The following DNAJC13 variants were observed in gnomAD, a reference collection of about 807,000 sequenced individuals.
DNAJC13 encodes the protein dnaJ homolog subfamily C member 13.
In DNAJC13, 75 loss-of-function variants were observed where a neutral mutation model predicts 290.5. The ratio of observed to expected loss-of-function variants is 0.26; its 90% CI spans 0.21 to 0.31. The LOEUF (loss-of-function observed/expected upper bound fraction) is 0.31, where lower values mean the gene tolerates loss of function less well. DNAJC13 is among the 10% of genes least tolerant of loss of function. DNAJC13 has a pLI of 1.00. For synonymous variants in DNAJC13, 862 were observed against 892.0 expected (o/e 0.97, Z 0.60); for missense variants, 2,260 against 2,674.5 (o/e 0.85, Z 3.42).
intron 2 of DNAJC13, among the ~76,000 whole-genome samples, chr3:132,436,254 T>C (rs894006769): frequency 3.9e-5 from 6 of 152,200 alleles, no homozygotes; most frequent in African/African-American, 1.4e-4. Context: ...GTTAATCTAC[T>C]TCCTGTCTCT....
chr3:132,431,125 TA>T (rs1392116273), intron 1 of DNAJC13, among the ~76,000 whole-genome samples: 4 of 152,232 alleles, frequency 2.6e-5, no homozygotes, highest in Non-Finnish European at 5.9e-5. Flanking sequence ...AGGTTTGAAG[TA>T]GATATCAGAA....
chr3:132,514,311 C>T (rs1935858885), intron 45 of DNAJC13, among the ~76,000 whole-genome samples: 1 of 152,084 alleles, frequency 6.6e-6, no homozygotes. Context: ...CCTATCCAAA[C>T]TCTGTAATTG....
rs111461991 is a variant in DNAJC13, at chr3:132,489,154, C to A, written c.3468+133C>A. The A allele has an allele frequency of 3.1e-3, 2,006 of 642,748 alleles. 26 individuals carry two copies. The highest frequency in any genetic ancestry group is 0.018 in the East Asian group (644 of 35,282). 39.8% of individuals were successfully genotyped at this position (642,748 alleles called of 1,614,324 possible). A position where few individuals can be genotyped will look rare whatever the true frequency, so the allele number is the denominator to read the frequency against. ...TAGGTATTGTTTTATTCTGTTCTTA[C>A]ATTGTTTGTGGTACCTTGCACATAT... On this transcript the variant is annotated intron_variant, in intron 31 of 55. Coordinates refer to ENST00000260818, the MANE Select transcript of DNAJC13 (RefSeq NM_015268.4).
At position 132,523,185 on chromosome 3, in the gene DNAJC13, G is replaced by A; in HGVS notation, c.5872G>A (p.Glu1958Lys). 1.2e-6 allele frequency: 2 copies of A among 1,613,854 alleles called. No homozygotes were observed. The highest frequency in any genetic ancestry group is 2.2e-5 in the South Asian group (2 of 91,052). ...EHFKNQQDNP[E>K]ANWKLPEDFA... ...CTTTAAAAATCAGCAGGACAACCCTGAGGCAAACTGGAAGGTAAAATATAC... is the reference window on the plus strand; with the variant it reads ...CTTTAAAAATCAGCAGGACAACCCTAAGGCAAACTGGAAGGTAAAATATAC... The change falls in exon 50 of 56, where the codon GAG becomes AAG. Residue 1958 changes from glutamate (E) to lysine (K), a missense_variant. Coordinates refer to ENST00000260818, the MANE Select transcript of DNAJC13 (RefSeq NM_015268.4).
At chr3:132,491,574 T>C (rs1935058909) in intron 32 of DNAJC13, among the ~76,000 whole-genome samples, 1 of 152,110 alleles carries the variant, frequency 6.6e-6, no homozygotes, top group Non-Finnish European at 1.5e-5. Flanking sequence ...TGGGGGGGAA[T>C]GCCATAGGAG....
rs1393204040 is a variant in DNAJC13 at position 132,439,459 on chromosome 3, G to T, written c.68+4841G>T. 5.5e-5 allele frequency among the ~76,000 whole-genome samples: 8 copies of T among 146,026 alleles called. No homozygotes were observed. In the East Asian group the frequency reaches 9.8e-4, roughly 18 times the overall value. On this transcript the variant is annotated intron_variant, in intron 2 of 55. Transcript: ENST00000260818. ...TTTTTGTTTTTTTTTTTTTCCCCTCGCTCTTGACCCTGCCAGTCTTTAAAA... is the reference window on the plus strand; with the variant it reads ...TTTTTGTTTTTTTTTTTTTCCCCTCTCTCTTGACCCTGCCAGTCTTTAAAA...
At position 132,450,784 on chromosome 3, in the gene DNAJC13, A is replaced by C; in HGVS notation, c.474A>C (p.Gly158=). Residue 158 remains glycine (G), a synonymous_variant, in exon 6 of 56, where the codon GGA becomes GGC. Transcript: ENST00000260818. ...CCTATGACTATAGAAATATTGAAGGATTTGTAGATCTCTCAGATTATCAAG... is the reference window on the plus strand; with the variant it reads ...CCTATGACTATAGAAATATTGAAGGCTTTGTAGATCTCTCAGATTATCAAG... ...LCSYDYRNIE[G]FVDLSDYQGG... 2 of 1,608,578 alleles carry C rather than the reference A, an allele frequency of 1.2e-6. No individual in the cohort carries two copies. Among genetic ancestry groups the C allele is most frequent in the East Asian group, 2.2e-5 (1 of 44,732 alleles).
intron 1 of DNAJC13, among the ~76,000 whole-genome samples, chr3:132,418,562 G>A (rs1373224003): frequency 6.6e-6 from 1 of 152,108 alleles, no homozygotes; most frequent in African/African-American, 2.4e-5. Context: ...CTAATGTGGC[G>A]GTGGTCTCCC....
At chr3:132,426,559 C>T (rs1410510521) in intron 1 of DNAJC13, among the ~76,000 whole-genome samples, 3 of 152,128 alleles carry the variant, frequency 2.0e-5, no homozygotes, top group African/African-American at 7.2e-5. Flanking sequence ...TTTAGTTGGA[C>T]AGTTTGTGGT....
intron 34 of DNAJC13, 25 bp downstream of exon 34, chr3:132,494,284 A>G: frequency 6.6e-7 from 1 of 1,522,464 alleles, no homozygotes; most frequent in Non-Finnish European, 9.1e-7. Flanking sequence ...GTACAATAGC[A>G]AATGTCTGTC....
chr3:132,466,392 A>G lies in DNAJC13; in HGVS notation c.2062A>G (p.Met688Val), dbSNP rs148811641. Residue 688 changes from methionine to valine, a missense_variant and splice_region_variant, in exon 19 of 56, where the codon ATG (methionine) becomes GTG (valine). This residue lies in a region of DNAJC13 where 762 missense variants were observed against 964.1 expected (regional missense o/e 0.79). Transcript: ENST00000260818. ...MHVRDNVKIAMDQYGKFNKVP... is the reference protein window; with the variant it reads ...MHVRDNVKIAVDQYGKFNKVP... ...TGTTAGAGACAATGTGAAAATAGCA[A>G]TGGTAAATATGACTGTCCCAAGTGT... The G allele has an allele frequency of 3.6e-5, 57 of 1,591,942 alleles. No homozygotes were observed. Among genetic ancestry groups the G allele is most frequent in the Middle Eastern group, 1.7e-4 (1 of 5,950 alleles).
At chr3:132,441,354 C>T (rs1480259534) in intron 2 of DNAJC13, among the ~76,000 whole-genome samples, 2 of 152,188 alleles carry the variant, frequency 1.3e-5, no homozygotes, top group Non-Finnish European at 2.9e-5. Context: ...ATGTTAGTTT[C>T]CTTGCATCAG....
intron 43 of DNAJC13, among the ~76,000 whole-genome samples, chr3:132,508,017 A>T (rs556966066): frequency 6.6e-6 from 1 of 152,230 alleles, no homozygotes; most frequent in Non-Finnish European, 1.5e-5. Context: ...TGCTCCTCCA[A>T]TGAATACATG....
intron 2 of DNAJC13, among the ~76,000 whole-genome samples, chr3:132,436,724 C>T (rs1366105640): frequency 1.3e-5 from 2 of 152,060 alleles, no homozygotes; most frequent in East Asian, 1.9e-4. Context: ...AGTGTAGGTA[C>T]GAAGTAGCTT....
At position 132,446,566 on chromosome 3, in the gene DNAJC13, G is replaced by A. The variant is rs1375405404; in HGVS notation, c.144+16G>A. 1 of 1,570,846 alleles carries A rather than the reference G, an allele frequency of 6.4e-7. No individual in the cohort carries two copies. Among genetic ancestry groups the A allele is most frequent in the South Asian group, 1.2e-5 (1 of 85,190 alleles). On this transcript the variant is annotated intron_variant, in intron 3 of 55. Coordinates refer to ENST00000260818, the MANE Select transcript of DNAJC13 (RefSeq NM_015268.4). ...AACAAATCAGGTAATCCTGTTAGAA[G>A]CTGTTAGGTGTTTGTATGAACTCCC...
At chr3:132,456,955 A>C in intron 12 of DNAJC13, 123 bp downstream of exon 12, 1 of 1,099,320 alleles carries the variant, frequency 9.1e-7, no homozygotes, top group Non-Finnish European at 1.3e-6. Flanking sequence ...GTGATATGGT[A>C]CTTTATTCAT....
intron 17 of DNAJC13, 98 bp downstream of exon 17, chr3:132,463,915 A>G: frequency 7.4e-7 from 1 of 1,351,442 alleles, no homozygotes; most frequent in Non-Finnish European, 1.0e-6. Flanking sequence ...TACACAAATA[A>G]TACATTTTCT....
Position 132,528,188 on chromosome 3 carries a change from G to A in DNAJC13, c.6382-1G>A. 1 of 1,613,672 alleles carries A rather than the reference G, an allele frequency of 6.2e-7. No homozygotes were observed. Among genetic ancestry groups the A allele is most frequent in the Non-Finnish European group, 8.5e-7 (1 of 1,179,806 alleles). Reference sequence around the variant, plus strand: ...TTATATATGCTTAATATTTCTTCTAGGCCCTGAAAGCAGATTTGGTTCCAT... The same window carrying A: ...TTATATATGCTTAATATTTCTTCTAAGCCCTGAAAGCAGATTTGGTTCCAT... On this transcript the variant is annotated splice_acceptor_variant, in intron 53 of 55. Coordinates refer to ENST00000260818, the MANE Select transcript of DNAJC13 (RefSeq NM_015268.4). LOFTEE classifies it high-confidence loss of function.
intron 29 of DNAJC13, among the ~76,000 whole-genome samples, chr3:132,486,355 G>A (rs540617436): frequency 7.6e-4 from 115 of 151,788 alleles, no homozygotes; most frequent in Non-Finnish European, 1.3e-3. Flanking sequence ...AAGATCAACC[G>A]CTCCCATTTT....
Sources: gnomAD v4.1 joint callset for allele counts (sites outside exome capture counted in the v4.1 genomes callset) on GRCh38, gnomAD v4.1.1 for gene constraint, gnomAD v4.1.1 regional missense constraint, MANE v1.5 for transcripts, NCBI Gene and HGNC (gene_info 2026-07-23, HGNC 2026-07-21) for gene names.